Variants in EPB41 observed in about 807,000 individuals in gnomAD.
EPB41 encodes the protein protein 4.1.
In EPB41, 65 loss-of-function variants were observed where a neutral mutation model predicts 108.0. The observed-to-expected ratio is 0.60, with a 90% CI of 0.49 to 0.74. The LOEUF (loss-of-function observed/expected upper bound fraction) is 0.74, where lower values mean the gene tolerates loss of function less well. EPB41 is among the 30% of genes least tolerant of loss of function. The pLI is 0.00. For missense variants in EPB41, 875 were observed against 1,037.0 expected (o/e 0.84, Z 2.15); for synonymous variants, 336 against 358.9 (o/e 0.94, Z 0.72).
chr1:28,894,739 T>C (rs929390314), intron 1 of EPB41, among the ~76,000 whole-genome samples: 1 of 152,114 alleles, frequency 6.6e-6, no homozygotes, highest in Admixed American at 6.5e-5. Context: ...TCATCTGTGA[T>C]GTACATATCA....
intron 16 of EPB41, among the ~76,000 whole-genome samples, chr1:29,095,331 T>C (rs1354252225): frequency 6.6e-6 from 1 of 152,214 alleles, no homozygotes; most frequent in African/African-American, 2.4e-5. Context: ...ATTTTTGATA[T>C]CATGTTTGAT....
At chr1:29,097,048 A>G (rs1437636896) in intron 16 of EPB41, 2 of 152,134 alleles carry the variant, frequency 1.3e-5, no homozygotes, top group African/African-American at 2.4e-5. Flanking sequence ...GCAGCCCACC[A>G]CTCCCACTGA....
intron 17 of EPB41, among the ~76,000 whole-genome samples, chr1:29,101,976 G>T (rs1426205726): frequency 6.6e-6 from 1 of 152,192 alleles, no homozygotes; most frequent in Non-Finnish European, 1.5e-5. Context: ...TGCTTGTAAA[G>T]AACTGAAGTG....
chr1:29,105,340 C>T (rs547915732), intron 17 of EPB41, among the ~76,000 whole-genome samples: 4 of 152,246 alleles, frequency 2.6e-5, no homozygotes, highest in South Asian at 2.1e-4. Context: ...CAGATTCTAG[C>T]GATTCTCCTG....
chr1:28,908,903 C>G (rs2147985018), intron 1 of EPB41, among the ~76,000 whole-genome samples: 1 of 151,790 alleles, frequency 6.6e-6, no homozygotes, highest in Non-Finnish European at 1.5e-5. Flanking sequence ...TGGCTCATGA[C>G]TGTAATCCCA....
At chr1:28,983,948 A>C (rs184072784) in intron 1 of EPB41, among the ~76,000 whole-genome samples, 1 of 150,090 alleles carries the variant, frequency 6.7e-6, no homozygotes, top group Non-Finnish European at 1.5e-5. Flanking sequence ...AGGTCACAGG[A>C]ATGAATTGAA....
At chr1:28,982,107 G>A (rs975352805) in intron 1 of EPB41, among the ~76,000 whole-genome samples, 9 of 150,842 alleles carry the variant, frequency 6.0e-5, no homozygotes, top group South Asian at 2.1e-4. Context: ...ATGTGTTCTC[G>A]TTGTTCAATT....
chr1:29,000,830 GT>G lies in EPB41; in HGVS notation c.786+3523del, dbSNP rs1054624883. On this transcript the variant is annotated intron_variant, in intron 4 of 20. Transcript: ENST00000343067. ...CAGAAGTAAGTCAAAACAGAGTGTT[GT>G]TTTTTTTTTTTAATTTTTATTTTTA... Among the ~76,000 whole-genome samples the G allele has an allele frequency of 3.7e-3, 529 of 144,904 alleles. 6 individuals carry two copies. The highest frequency in any genetic ancestry group is 0.012 in the African/African-American group (478 of 39,736).
At chr1:28,966,401 A>G (rs948611677) in intron 1 of EPB41, among the ~76,000 whole-genome samples, 2 of 152,186 alleles carry the variant, frequency 1.3e-5, no homozygotes, top group Non-Finnish European at 2.9e-5. Context: ...TATCAAAATC[A>G]GTCTTTCTTT....
In EPB41 at chr1:29,091,778, T is replaced by C. The variant is rs188314992; in HGVS notation, c.2185-6029T>C. Among the ~76,000 whole-genome samples, 29 of 152,306 alleles carry C rather than the reference T, an allele frequency of 1.9e-4. 1 individual carries two copies. The highest frequency in any genetic ancestry group is 1.4e-3 in the Admixed American group (22 of 15,278). ...CAGTCTTTCAGTTCCATCTTTCATA[T>C]CCTAAGTCATATTTGTTATCAGCCA... On this transcript the variant is annotated intron_variant, in intron 16 of 20. Transcript: ENST00000343067.
At chr1:28,937,617 A>T (rs1158500842) in intron 1 of EPB41, among the ~76,000 whole-genome samples, 1 of 151,872 alleles carries the variant, frequency 6.6e-6, no homozygotes, top group Non-Finnish European at 1.5e-5. Context: ...CTGGTCTTTA[A>T]CTCCTGACCT....
chr1:29,025,558 C>A (rs71642256), intron 7 of EPB41, among the ~76,000 whole-genome samples: 10,327 of 151,878 alleles, frequency 0.068, 532 homozygotes, highest in Non-Finnish European at 0.1. Context: ...TTAGGGAAAA[C>A]CTTGATCATT....
intron 4 of EPB41, among the ~76,000 whole-genome samples, chr1:29,010,222 C>T (rs2149899044): frequency 6.6e-6 from 1 of 152,194 alleles, no homozygotes; most frequent in Non-Finnish European, 1.5e-5. Context: ...GCCTGTAATC[C>T]CAGCTACTCG....
intron 7 of EPB41, among the ~76,000 whole-genome samples, chr1:29,027,699 T>G (rs545161224): frequency 2.0e-5 from 3 of 152,190 alleles, no homozygotes; most frequent in African/African-American, 7.2e-5. Context: ...GCCTCCAGAG[T>G]AGCTAGGACT....
At chr1:28,899,482 C>T (rs548397566) in intron 1 of EPB41, among the ~76,000 whole-genome samples, 1 of 152,176 alleles carries the variant, frequency 6.6e-6, no homozygotes, top group Non-Finnish European at 1.5e-5. Context: ...ATGACAGTTT[C>T]CCTTTTGCAG....
At chr1:29,106,591 T>TTTTTG (rs869202248) in intron 17 of EPB41, among the ~76,000 whole-genome samples, 1 of 140,556 alleles carries the variant, frequency 7.1e-6, no homozygotes, top group African/African-American at 2.6e-5. Flanking sequence ...TTTTTTTTTT[T>TTTTTG]GAGATGGAGT....
chr1:28,929,646 C>T (rs1364613365), intron 1 of EPB41, among the ~76,000 whole-genome samples: 1 of 152,070 alleles, frequency 6.6e-6, no homozygotes, highest in Non-Finnish European at 1.5e-5. Context: ...ATTCTCCTGC[C>T]TCAGCCCGCC....
At chr1:28,941,430 G>A (rs1485334533) in intron 1 of EPB41, among the ~76,000 whole-genome samples, 2 of 152,052 alleles carry the variant, frequency 1.3e-5, no homozygotes, top group Non-Finnish European at 2.9e-5. Context: ...GTCCAACGAG[G>A]TATAGTTCTA....
intron 1 of EPB41, among the ~76,000 whole-genome samples, chr1:28,966,537 AC>A (rs1464965928): frequency 6.6e-6 from 1 of 152,230 alleles, no homozygotes; most frequent in African/African-American, 2.4e-5. Flanking sequence ...GGGTAGACAA[AC>A]AATAAACCAA....
Sources: allele counts gnomAD v4.1 joint callset (sites outside exome capture counted in the v4.1 genomes callset), GRCh38; gene constraint gnomAD v4.1.1; transcripts MANE v1.5; gene names NCBI Gene and HGNC (gene_info 2026-07-23, HGNC 2026-07-21).